Variants in TMC2 observed in about 807,000 individuals in gnomAD.
The protein encoded by TMC2 is transmembrane channel-like protein 2.
A neutral mutation model predicts 105.9 loss-of-function variants in TMC2; 102 were observed. The observed-to-expected ratio is 0.96, with a 90% confidence interval of 0.82 to 1.14. The LOEUF (loss-of-function observed/expected upper bound fraction) is 1.14, where lower values mean the gene tolerates loss of function less well. TMC2 is among the 50% of genes most tolerant of loss of function. The pLI is 0.00. For synonymous variants in TMC2, 402 were observed against 422.8 expected (o/e 0.95, Z 0.60); for missense variants, 1,093 against 1,134.3 (o/e 0.96, Z 0.52).
At chr20:2,599,842 C>A (rs117917303) in intron 10 of TMC2, among the ~76,000 whole-genome samples, 344 of 152,348 alleles carry the variant, frequency 2.3e-3, no homozygotes, top group Non-Finnish European at 3.9e-3. Context: ...TACAACTGCG[C>A]TTCGTTCTCT....
At chr20:2,620,055 G>A (rs925352699) in intron 16 of TMC2, among the ~76,000 whole-genome samples, 26 of 151,940 alleles carry the variant, frequency 1.7e-4, no homozygotes, top group Admixed American at 6.6e-5. Context: ...CTCCAGCCTG[G>A]GCAACATAGC....
chr20:2,636,459 TACACACAC>T lies in TMC2; in HGVS notation c.2385+482_2385+489del, dbSNP rs3051763. On this transcript the variant is annotated intron_variant, in intron 18 of 19. Coordinates refer to ENST00000358864, the MANE Select transcript of TMC2 (RefSeq NM_080751.3). ...TGACACCCTACTTCTGACTGCTGTC[TACACACAC>T]ACACACACACACACACACACACACA... is the stretch of plus-strand genomic sequence containing the variant. 2.5e-3 allele frequency among the ~76,000 whole-genome samples: 354 copies of T among 143,518 alleles called. 2 individuals are homozygous for T. The highest frequency in any genetic ancestry group is 8.2e-3 in the African/African-American group (320 of 38,902). The allele number at this position is 143,518 out of a possible 152,430, so 94.2% of individuals were successfully genotyped here.
Position 2,572,257 on chromosome 20 carries a change from G to A in TMC2, c.633G>A (p.Met211Ile). 1.2e-6 allele frequency: 2 copies of A among 1,612,838 alleles called. No individual in the cohort carries two copies. Among genetic ancestry groups the A allele is most frequent in the Non-Finnish European group, 1.7e-6 (2 of 1,179,140 alleles). ...GCAAGCAACTATATGCCTACAAGATGCTGATGGCCAAGGTGTGTGGGGTGG... is the reference window on the plus strand; with the variant it reads ...GCAAGCAACTATATGCCTACAAGATACTGATGGCCAAGGTGTGTGGGGTGG... ...GKGKQLYAYK[M>I]LMAKKWVKFK... Residue 211 changes from methionine to isoleucine, a missense_variant, in exon 5 of 20, where the codon ATG becomes ATA. Coordinates refer to ENST00000358864, the MANE Select transcript of TMC2 (RefSeq NM_080751.3).
intron 11 of TMC2, 129 bp from the exon 12 acceptor site, chr20:2,610,290 C>A: frequency 1.2e-6 from 1 of 845,080 alleles, no homozygotes; most frequent in Non-Finnish European, 1.8e-6. Flanking sequence ...CTGTGTAGAC[C>A]CCAGGGCATC....
intron 5 of TMC2, 149 bp from the exon 6 acceptor site, chr20:2,578,997 A>T (rs1436402913): frequency 1.6e-6 from 1 of 615,712 alleles, no homozygotes; most frequent in Non-Finnish European, 2.9e-6. Flanking sequence ...CCTGGGCTCA[A>T]GGACAGCAGG....
intron 7 of TMC2, among the ~76,000 whole-genome samples, chr20:2,589,269 CCTGTGTGTGTGTGTGT>C (rs2086251963): frequency 1.2e-5 from 1 of 84,704 alleles, no homozygotes; most frequent in Admixed American, 1.1e-4. Flanking sequence ...TCCTATTTGC[CCTGTGTGTGTGTGTGT>C]GTGTGTGTGT....
At position 2,576,117 on chromosome 20, in the gene TMC2, C is replaced by G. The variant is rs985461200; in HGVS notation, c.646-3029C>G. Among the ~76,000 whole-genome samples, 6 of 152,214 alleles carry G rather than the reference C, an allele frequency of 3.9e-5. No homozygotes were observed. In the East Asian group the frequency reaches 7.7e-4, roughly 20 times the overall value. Reference sequence around the variant, plus strand: ...CACTGGTTGTTTTCATTTTAGTCACCCAGATCCTGATTTTATTGACAGGAC... The same window carrying G: ...CACTGGTTGTTTTCATTTTAGTCACGCAGATCCTGATTTTATTGACAGGAC... On this transcript the variant is annotated intron_variant, in intron 5 of 19. Coordinates refer to ENST00000358864, the MANE Select transcript of TMC2 (RefSeq NM_080751.3).
chr20:2,561,989 C>T lies in TMC2; in HGVS notation c.533C>T (p.Ala178Val), dbSNP rs775393301. ...ATGCGGAGCAAGCCCTGGCCCATGG[C>T]GAAGAAGCTGACAGAGCTCAGGTGA... ...ATMRSKPWPM[A>V]KKLTELREAQ... The change falls in exon 4 of 20, where the codon GCG becomes GTG. Residue 178 changes from alanine to valine, a missense_variant. Ala to Val is a moderately conservative substitution (Grantham distance 64). Transcript: ENST00000358864. 36 of 1,614,078 alleles carry T rather than the reference C, an allele frequency of 2.2e-5. No homozygotes were observed. In the Middle Eastern group the frequency reaches 9.9e-4, roughly 44 times the overall value.
chr20:2,608,414 G>A (rs534276496), intron 11 of TMC2, among the ~76,000 whole-genome samples: 5 of 151,138 alleles, frequency 3.3e-5, no homozygotes, highest in Admixed American at 1.3e-4. Flanking sequence ...TGCAACCTCC[G>A]CCTCCCAGGT....
In TMC2 at chr20:2,580,764, T is replaced by G. The variant is rs183840162; in HGVS notation, c.834+708T>G. Among the ~76,000 whole-genome samples the G allele has an allele frequency of 5.9e-5, 9 of 152,230 alleles. No individual in the cohort carries two copies. The East Asian group carries it at 1.7e-3, about 29-fold the overall frequency. On this transcript the variant is annotated intron_variant, in intron 7 of 19. Transcript: ENST00000358864. ...TACCTGGCCCCAGATATAATCTTATTATGGACATAAATAGATTCTTATCTA... is the reference window on the plus strand; with the variant it reads ...TACCTGGCCCCAGATATAATCTTATGATGGACATAAATAGATTCTTATCTA...
At chr20:2,602,851 T>C (rs2086361827) in intron 11 of TMC2, among the ~76,000 whole-genome samples, 1 of 152,242 alleles carries the variant, frequency 6.6e-6, no homozygotes, top group South Asian at 2.1e-4. Context: ...TACAAATTCT[T>C]CCTATCCTTG....
At chr20:2,566,276 GC>G (rs1191735121) in intron 4 of TMC2, among the ~76,000 whole-genome samples, 1 of 152,100 alleles carries the variant, frequency 6.6e-6, no homozygotes, top group Admixed American at 6.5e-5. Context: ...TTTATTAAGT[GC>G]CCAGCATATA....
rs4815428 is a variant in TMC2 at position 2,617,332 on chromosome 20, G to A, written c.2180+21G>A. ...TTCAGGTGCAGAGTCTCAGTTGCCC[G>A]GGAGCACCTCCCCTCCCGAGGCAGT... On this transcript the variant is annotated intron_variant, in intron 16 of 19. Coordinates refer to ENST00000358864, the MANE Select transcript of TMC2 (RefSeq NM_080751.3). The A allele has an allele frequency of 0.64, 1,029,163 of 1,613,220 alleles. 336,611 individuals carry two copies. The highest frequency in any genetic ancestry group is 0.67 in the Admixed American group (40,068 of 59,994).
chr20:2,597,408 G>GA, intron 10 of TMC2, 110 bp downstream of exon 10: 2 of 1,151,200 alleles, frequency 1.7e-6, no homozygotes, highest in Non-Finnish European at 2.4e-6. Flanking sequence ...ATAATTTGTG[G>GA]CAAGAGCCTT....
intron 3 of TMC2, among the ~76,000 whole-genome samples, chr20:2,559,341 C>G (rs1341023416): frequency 6.6e-6 from 1 of 152,158 alleles, no homozygotes; most frequent in Non-Finnish European, 1.5e-5. Flanking sequence ...GTTTTGCCTC[C>G]TTTGTTCCAT....
chr20:2,617,199 C>A lies in TMC2; in HGVS notation c.2068C>A (p.Arg690=), dbSNP rs747680354. Residue 690 remains arginine (R), a synonymous_variant, in exon 16 of 20, where the codon CGA becomes AGA. Transcript: ENST00000358864. ...CCATGAACGCGTGTTCAAAGCCTCC[C>A]GATCCAACAACTTCTACATGGGCCT... ...VPHERVFKAS[R]SNNFYMGLLL... The A allele has an allele frequency of 6.2e-6, 10 of 1,614,186 alleles. No individual in the cohort carries two copies. The South Asian group carries it at 1.1e-4, about 18-fold the overall frequency.
intron 2 of TMC2, among the ~76,000 whole-genome samples, chr20:2,549,824 C>T (rs2085946331): frequency 6.6e-6 from 1 of 152,142 alleles, no homozygotes; most frequent in African/African-American, 2.4e-5. Flanking sequence ...GCAATCATTT[C>T]ATTTTTTAAA....
chr20:2,564,553 A>G (rs999349297), intron 4 of TMC2, among the ~76,000 whole-genome samples: 1 of 151,520 alleles, frequency 6.6e-6, no homozygotes, highest in African/African-American at 2.4e-5. Context: ...ATAGAACCTC[A>G]CTCCCACTCA....
intron 11 of TMC2, among the ~76,000 whole-genome samples, chr20:2,607,839 T>C (rs542007548): frequency 6.6e-6 from 1 of 152,350 alleles, no homozygotes; most frequent in African/African-American, 2.4e-5. Context: ...AATCATGCTG[T>C]GATGGCCAGG....
Sources: gnomAD v4.1 joint callset for allele counts (sites outside exome capture counted in the v4.1 genomes callset) on GRCh38, gnomAD v4.1.1 for gene constraint, MANE v1.5 for transcripts, NCBI Gene and HGNC (gene_info 2026-07-23, HGNC 2026-07-21) for gene names.